The following DPYD variants were observed in gnomAD, a reference collection of about 807,000 sequenced individuals.
DPYD encodes the protein dihydropyrimidine dehydrogenase [NADP(+)].
In DPYD, 109 loss-of-function variants were observed where a neutral mutation model predicts 116.2. That is an observed-to-expected ratio of 0.94 (90% CI 0.80 to 1.10). The LOEUF is 1.10. Among genes scored for constraint, DPYD ranks in the 50% least tolerant of loss-of-function variants. The pLI, the probability that DPYD is intolerant of heterozygous loss-of-function variation, is 0.00. For synonymous variants in DPYD, 440 were observed against 432.0 expected (o/e 1.02, Z -0.23); for missense variants, 1,302 against 1,254.5 (o/e 1.04, Z -0.57).
chr1:97,613,128 T>C (rs1189206443), intron 8 of DPYD, among the ~76,000 whole-genome samples: 1 of 151,966 alleles, frequency 6.6e-6, no homozygotes, highest in African/African-American at 2.4e-5. Flanking sequence ...CCTTGATTCC[T>C]TCCTTCCTTC....
At chr1:97,767,944 C>T (rs1204732281) in intron 3 of DPYD, among the ~76,000 whole-genome samples, 2 of 152,002 alleles carry the variant, frequency 1.3e-5, no homozygotes, top group African/African-American at 4.8e-5. Context: ...TTCCTGCCAA[C>T]ATACCAAGGA....
At chr1:97,636,359 T>C (rs1434240712) in intron 8 of DPYD, among the ~76,000 whole-genome samples, 1 of 152,074 alleles carries the variant, frequency 6.6e-6, no homozygotes, top group East Asian at 1.9e-4. Context: ...GGTCTCTATT[T>C]CTTACTCCTA....
intron 8 of DPYD, among the ~76,000 whole-genome samples, chr1:97,634,030 C>T (rs1657423315): frequency 1.3e-5 from 2 of 152,078 alleles, no homozygotes; most frequent in African/African-American, 4.8e-5. Context: ...GCATCTTCTG[C>T]TTCTCAACTG....
chr1:97,100,641 A>C (rs1436127969), intron 20 of DPYD, among the ~76,000 whole-genome samples: 1 of 152,076 alleles, frequency 6.6e-6, no homozygotes, highest in Admixed American at 6.6e-5. Flanking sequence ...ATTCAAAAGA[A>C]ATCATTCTTG....
In DPYD at chr1:97,691,929, T is replaced by A. The variant is rs186740826; in HGVS notation, c.681-131A>T. 55 of 725,782 alleles carry A rather than the reference T, an allele frequency of 7.6e-5. 1 individual carries two copies. Among genetic ancestry groups the A allele is most frequent in the East Asian group, 6.4e-4 (23 of 35,976 alleles). The allele number at this position is 725,782 out of a possible 1,614,324, so 45.0% of individuals were successfully genotyped here. ...TATCTCTTCCAAGGATATTTATATA[T>A]CACACAAGATATGCATGAGGACATC... On this transcript the variant is annotated intron_variant, in intron 6 of 22. Transcript: ENST00000370192.
intron 1 of DPYD, chr1:97,883,949 G>A: frequency 2.3e-5 from 9 of 398,840 alleles, no homozygotes; most frequent in East Asian, 1.5e-4. Flanking sequence ...GTTCAGTATG[G>A]GAAAATCCTA....
At chr1:97,857,950 G>A (rs1446995686) in intron 2 of DPYD, among the ~76,000 whole-genome samples, 3 of 151,754 alleles carry the variant, frequency 2.0e-5, no homozygotes, top group Admixed American at 6.6e-5. Context: ...TGGTGTATGG[G>A]GCTTCTTGGT....
At chr1:97,275,099 AAAGTGT>A (rs1293053296) in intron 18 of DPYD, among the ~76,000 whole-genome samples, 1 of 152,106 alleles carries the variant, frequency 6.6e-6, no homozygotes, top group African/African-American at 2.4e-5. Context: ...GCATTAGGTA[AAAGTGT>A]GAGTAGCTCA....
intron 11 of DPYD, among the ~76,000 whole-genome samples, chr1:97,561,798 A>G (rs919458427): frequency 2.6e-5 from 4 of 152,184 alleles, no homozygotes; most frequent in African/African-American, 4.8e-5. Context: ...CCTGTTTACT[A>G]TAACTGGAAT....
At chr1:97,523,271 C>T (rs1557771071) in intron 12 of DPYD, among the ~76,000 whole-genome samples, 1 of 152,106 alleles carries the variant, frequency 6.6e-6, no homozygotes. Flanking sequence ...AGAAGTCCTT[C>T]CTAGACATAA....
rs1442061038 is a variant in DPYD at position 97,102,417 on chromosome 1, A to ATATATATATATATATG, written c.2623-3786_2623-3785insCATATATATATATATA. Among the ~76,000 whole-genome samples, 3 of 142,886 alleles carry ATATATATATATATATG rather than the reference A, an allele frequency of 2.1e-5. No individual in the cohort carries two copies. In the Admixed American group the frequency reaches 2.2e-4, roughly 10 times the overall value. The allele number at this position is 142,886 out of a possible 152,430, so 93.7% of individuals were successfully genotyped here. ...GTATCATATATATATATATATATAT[A>ATATATATATATATATG]TATGTATATATGTATCTTATTCAGT... On this transcript the variant is annotated intron_variant, in intron 20 of 22. Coordinates refer to ENST00000370192, the MANE Select transcript of DPYD (RefSeq NM_000110.4).
intron 14 of DPYD, among the ~76,000 whole-genome samples, chr1:97,431,111 A>G (rs914004700): frequency 6.6e-5 from 10 of 152,150 alleles, no homozygotes; most frequent in African/African-American, 2.4e-4. Flanking sequence ...TCAAGGAGGT[A>G]CAGATTCAGG....
chr1:97,557,186 CA>C (rs1651795407), intron 11 of DPYD, among the ~76,000 whole-genome samples: 1 of 151,722 alleles, frequency 6.6e-6, no homozygotes, highest in Non-Finnish European at 1.5e-5. Flanking sequence ...GTCCTTCGCC[CA>C]CTTTTTGATG....
intron 2 of DPYD, among the ~76,000 whole-genome samples, chr1:97,874,060 T>C (rs776718530): frequency 5.9e-5 from 9 of 151,960 alleles, no homozygotes; most frequent in Admixed American, 1.3e-4. Flanking sequence ...CATCAACTAA[T>C]TTAGTTATTA....
intron 18 of DPYD, among the ~76,000 whole-genome samples, chr1:97,280,900 C>T (rs1665280481): frequency 6.6e-6 from 1 of 151,998 alleles, no homozygotes; most frequent in African/African-American, 2.4e-5. Context: ...CTTATCTCCA[C>T]AAAGAAATGA....
chr1:97,438,318 A>ATCTTAACAATAGTGGCTCC (rs1557711654), intron 14 of DPYD, among the ~76,000 whole-genome samples: 1 of 152,058 alleles, frequency 6.6e-6, no homozygotes, highest in East Asian at 1.9e-4. Context: ...AAGACTTGGC[A>ATCTTAACAATAGTGGCTCC]TCTTAACAAT....
chr1:97,788,091 T>G (rs1267464001), intron 3 of DPYD, among the ~76,000 whole-genome samples: 1 of 152,176 alleles, frequency 6.6e-6, no homozygotes, highest in Non-Finnish European at 1.5e-5. Flanking sequence ...TGAAGATATA[T>G]AGAGAGCTGC....
At chr1:97,385,280 CAAAAAAAAAAAAAAAAAA>C (rs567156406) in intron 14 of DPYD, among the ~76,000 whole-genome samples, 2,156 of 48,702 alleles carry the variant, frequency 0.044, 33 homozygotes, top group Non-Finnish European at 0.053. Flanking sequence ...GCATTCCTTG[CAAAAAAAAAAAAAAAAAA>C]AAAAAAAAAA....
intron 11 of DPYD, among the ~76,000 whole-genome samples, chr1:97,555,576 T>G (rs1651632800): frequency 6.6e-6 from 1 of 152,230 alleles, no homozygotes; most frequent in Non-Finnish European, 1.5e-5. Context: ...TCCTCAAAAC[T>G]TCTATAGACT....
Sources: allele counts gnomAD v4.1 joint callset (sites outside exome capture counted in the v4.1 genomes callset), GRCh38; gene constraint gnomAD v4.1.1; transcripts MANE v1.5; gene names NCBI Gene and HGNC (gene_info 2026-07-23, HGNC 2026-07-21).